MAGI2: variants seen among roughly 807,000 people sequenced by gnomAD.
The protein encoded by MAGI2 is membrane associated guanylate kinase, WW and PDZ domain containing 2, also known as membrane-associated guanylate kinase, WW and PDZ domain-containing protein 2.
A neutral mutation model predicts 133.3 loss-of-function variants in MAGI2; 35 were observed. That is an observed-to-expected ratio of 0.26 (90% CI 0.20 to 0.35). MAGI2 has a LOEUF of 0.35. Ranked by LOEUF, MAGI2 falls within the 10% of genes least tolerant of loss-of-function variation. MAGI2 has a pLI of 1.00. For missense variants in MAGI2, 1,636 were observed against 1,863.4 expected, an observed-to-expected ratio of 0.88 and a Z score of 2.25; for synonymous variants, 729 against 710.6, an observed-to-expected ratio of 1.03 and a Z score of -0.41.
chr7:79,054,843 T>G (rs1412063834), intron 1 of MAGI2, among the ~76,000 whole-genome samples: 1 of 152,160 alleles, frequency 6.6e-6, no homozygotes, highest in Non-Finnish European at 1.5e-5. Context: ...CAGGGTGGAG[T>G]GCAGTGGTGC....
rs779830758 is a variant in MAGI2, at chr7:79,125,210, A to G, written c.302-118004T>C. ...AACACTGACTATGGTGATTCTGTGGATAAGACTGTCATTCAGAAATATACC... is the reference window on the plus strand; with the variant it reads ...AACACTGACTATGGTGATTCTGTGGGTAAGACTGTCATTCAGAAATATACC... On this transcript the variant is annotated intron_variant, in intron 1 of 21. Transcript: ENST00000354212. 31 of 388,474 alleles carry G rather than the reference A, an allele frequency of 8.0e-5. No homozygotes were observed. In the East Asian group the frequency reaches 9.1e-4, roughly 11 times the overall value. 24.1% of individuals were successfully genotyped at this position (388,474 alleles called of 1,614,324 possible). A position where few individuals can be genotyped will look rare whatever the true frequency, so the allele number is the denominator to read the frequency against.
At chr7:79,092,384 A>C (rs937041369) in intron 1 of MAGI2, among the ~76,000 whole-genome samples, 1 of 152,174 alleles carries the variant, frequency 6.6e-6, no homozygotes, top group Admixed American at 6.5e-5. Context: ...AAGTTCTTGA[A>C]TAATCCTATG....
chr7:78,556,895 T>C (rs889245186), intron 3 of MAGI2, among the ~76,000 whole-genome samples: 1 of 149,658 alleles, frequency 6.7e-6, no homozygotes, highest in Non-Finnish European at 1.5e-5. Flanking sequence ...AAGACCATCC[T>C]GGCTAACATG....
chr7:79,078,562 T>C (rs1438544603), intron 1 of MAGI2, among the ~76,000 whole-genome samples: 1 of 152,188 alleles, frequency 6.6e-6, no homozygotes, highest in East Asian at 1.9e-4. Context: ...CACAATACTT[T>C]CTCTAGGTTG....
chr7:79,453,100 A>T lies in MAGI2; in HGVS notation c.221T>A (p.Val74Glu). The T allele has an allele frequency of 6.2e-7, 1 of 1,613,838 alleles. No homozygotes were observed. The highest frequency in any genetic ancestry group is 8.5e-7 in the Non-Finnish European group (1 of 1,179,984). Residue 74 changes from valine to glutamate, a missense_variant, in exon 1 of 22, where the codon GTG becomes GAG. Coordinates refer to ENST00000354212, the MANE Select transcript of MAGI2 (RefSeq NM_012301.4). ...CACGTCCCTGATGGTGAGCCCCGCC[A>T]CGGGGGTCTCGTTCACCTCCAGCAG... ...ELLLEVNETPVAGLTIRDVLA... is the reference protein window; with the variant it reads ...ELLLEVNETPEAGLTIRDVLA...
At chr7:78,902,208 TAG>T (rs1219586784) in intron 2 of MAGI2, among the ~76,000 whole-genome samples, 1 of 152,174 alleles carries the variant, frequency 6.6e-6, no homozygotes, top group Non-Finnish European at 1.5e-5. Flanking sequence ...TTAGTTTTCT[TAG>T]AGAGTTTTTC....
chr7:78,194,386 A>C (rs1211820115), intron 12 of MAGI2, among the ~76,000 whole-genome samples: 1 of 152,268 alleles, frequency 6.6e-6, no homozygotes, highest in African/African-American at 2.4e-5. Context: ...GATGATTGGC[A>C]CCTAGATCAG....
intron 20 of MAGI2, among the ~76,000 whole-genome samples, chr7:78,108,610 CTCTCTCTCTCAT>C (rs1317386898): frequency 6.7e-6 from 1 of 149,506 alleles, no homozygotes; most frequent in East Asian, 2.0e-4. Context: ...GGGTCGGTCT[CTCTCTCTCTCAT>C]TCTCTCTCTC....
chr7:78,728,345 A>C (rs912130025), intron 2 of MAGI2, among the ~76,000 whole-genome samples: 4 of 152,124 alleles, frequency 2.6e-5, no homozygotes, highest in Non-Finnish European at 5.9e-5. Context: ...CTTTTTAAAA[A>C]ATGATCTATC....
At chr7:78,583,385 C>A in intron 3 of MAGI2, 1 of 196,672 alleles carries the variant, frequency 5.1e-6, no homozygotes, top group Non-Finnish European at 1.1e-5. Flanking sequence ...GTGGTCCCAG[C>A]TACTTGAGAG....
At chr7:78,650,946 T>C (rs151101829) in intron 2 of MAGI2, among the ~76,000 whole-genome samples, 2 of 152,228 alleles carry the variant, frequency 1.3e-5, no homozygotes, top group African/African-American at 4.8e-5. Flanking sequence ...CCTCAAAAAC[T>C]ATCAAGAAAC....
chr7:79,173,276 C>A (rs150266815), intron 1 of MAGI2, among the ~76,000 whole-genome samples: 1 of 151,818 alleles, frequency 6.6e-6, no homozygotes, highest in East Asian at 1.9e-4. Flanking sequence ...CATGTTCTTG[C>A]ATAGAAAAAA....
intron 2 of MAGI2, among the ~76,000 whole-genome samples, chr7:78,862,495 G>A (rs1296666151): frequency 6.6e-6 from 1 of 152,196 alleles, no homozygotes; most frequent in Non-Finnish European, 1.5e-5. Context: ...GTCCAGGAAG[G>A]GTTTTCTTAG....
chr7:78,813,258 C>T (rs534152470), intron 2 of MAGI2, among the ~76,000 whole-genome samples: 181 of 152,146 alleles, frequency 1.2e-3, no homozygotes, highest in African/African-American at 3.9e-3. Flanking sequence ...AACCACAGAC[C>T]AGTATCCCTC....
In MAGI2 at chr7:78,950,288, A is replaced by G. The variant is rs1454313764; in HGVS notation, c.418+56802T>C. On this transcript the variant is annotated intron_variant, in intron 2 of 21. Transcript: ENST00000354212. Reference sequence around the variant, plus strand: ...TATCCCTATCTAAATGATTCCTATGATTGCAAAAATTTTCTGAGTGTAGCT... The same window carrying G: ...TATCCCTATCTAAATGATTCCTATGGTTGCAAAAATTTTCTGAGTGTAGCT... Among the ~76,000 whole-genome samples the G allele has an allele frequency of 2.0e-5, 3 of 152,138 alleles. No homozygotes were observed. The East Asian group carries it at 5.8e-4, about 29-fold the overall frequency.
At chr7:78,339,024 G>T (rs1790076988) in intron 9 of MAGI2, among the ~76,000 whole-genome samples, 1 of 116,522 alleles carries the variant, frequency 8.6e-6, no homozygotes, top group Non-Finnish European at 2.0e-5. Flanking sequence ...AACTTCTGTT[G>T]CTCACTCCTC....
At chr7:79,115,349 C>A (rs1819299526) in intron 1 of MAGI2, among the ~76,000 whole-genome samples, 1 of 152,226 alleles carries the variant, frequency 6.6e-6, no homozygotes, top group South Asian at 2.1e-4. Context: ...AACAGAAATT[C>A]AATATTTAGC....
In MAGI2 at chr7:78,996,817, G is replaced by A. The variant is rs187050025; in HGVS notation, c.418+10273C>T. ...GTTAAACTGAAGGAATGGGAGGAAC[G>A]CTCCACAGAGTTTGTTTTCCAAAGA... On this transcript the variant is annotated intron_variant, in intron 2 of 21. Coordinates refer to ENST00000354212, the MANE Select transcript of MAGI2 (RefSeq NM_012301.4). Among the ~76,000 whole-genome samples the A allele has an allele frequency of 2.2e-3, 341 of 152,226 alleles. 15 individuals are homozygous for A. The highest frequency in any genetic ancestry group is 0.022 in the Admixed American group (339 of 15,280).
At chr7:78,865,214 T>G (rs1794460090) in intron 2 of MAGI2, among the ~76,000 whole-genome samples, 1 of 152,118 alleles carries the variant, frequency 6.6e-6, no homozygotes, top group African/African-American at 2.4e-5. Flanking sequence ...AAAGGAAAGA[T>G]GATATTGGGT....
Sources: gnomAD v4.1 joint callset for allele counts (sites outside exome capture counted in the v4.1 genomes callset) on GRCh38, gnomAD v4.1.1 for gene constraint, MANE v1.5 for transcripts, NCBI Gene and HGNC (gene_info 2026-07-23, HGNC 2026-07-21) for gene names.